The following FRMPD1 variants were observed in gnomAD, a reference collection of about 807,000 sequenced individuals.
FRMPD1 encodes FERM and PDZ domain containing 1.
FRMPD1 carries 76 observed loss-of-function variants against 117.8 expected under a neutral mutation model. The observed-to-expected ratio is 0.65, with a 90% CI of 0.54 to 0.78. The LOEUF (loss-of-function observed/expected upper bound fraction) is 0.78. Ranked by LOEUF, FRMPD1 falls within the 30% of genes least tolerant of loss-of-function variation. The pLI, the probability that FRMPD1 is intolerant of heterozygous loss-of-function variation, is 0.00. For synonymous variants in FRMPD1, 783 were observed against 770.4 expected, an observed-to-expected ratio of 1.02 and a Z score of -0.27; for missense variants, 1,786 against 1,964.5, an observed-to-expected ratio of 0.91 and a Z score of 1.72.
chr9:37,668,995 A>C (rs1408249109), intron 1 of FRMPD1, among the ~76,000 whole-genome samples: 1 of 152,230 alleles, frequency 6.6e-6, no homozygotes, highest in Non-Finnish European at 1.5e-5. Context: ...TTTCACGTTG[A>C]ATAAATCCCT....
At chr9:37,654,660 T>G (rs28497765) in intron 1 of FRMPD1, among the ~76,000 whole-genome samples, 2,974 of 152,016 alleles carry the variant, frequency 0.02, 107 homozygotes, top group African/African-American at 0.068. Flanking sequence ...CAATTGAGGG[T>G]GAGAGAAGGA....
chr9:37,658,687 C>T (rs906400502), intron 1 of FRMPD1, among the ~76,000 whole-genome samples: 15 of 152,166 alleles, frequency 9.9e-5, no homozygotes, highest in Non-Finnish European at 1.3e-4. Flanking sequence ...CTCCTCCTGT[C>T]TGTTTCAAAT....
chr9:37,732,981 T>C (rs1290750196), intron 10 of FRMPD1, among the ~76,000 whole-genome samples: 1 of 152,146 alleles, frequency 6.6e-6, no homozygotes, highest in Non-Finnish European at 1.5e-5. Context: ...AGCATATCCT[T>C]GGCCCTACCC....
upstream of FRMPD1, chr9:37,650,920 C>G (rs1380612470): frequency 6.7e-6 from 1 of 149,394 alleles, no homozygotes; most frequent in Non-Finnish European, 1.5e-5. Context: ...CGGCCCGGCC[C>G]GGCCAACCCC....
At chr9:37,639,957 C>T in the FRMPD1 span, among the ~76,000 whole-genome samples, 2 of 152,186 alleles carry the variant, frequency 1.3e-5, no homozygotes, top group Admixed American at 1.3e-4. Flanking sequence ...ATCTGGGCCA[C>T]ACCTTGCAAA....
intron 15 of FRMPD1, among the ~76,000 whole-genome samples, chr9:37,741,148 G>A (rs924252781): frequency 6.6e-6 from 1 of 152,112 alleles, no homozygotes; most frequent in African/African-American, 2.4e-5. Context: ...AGAAGAGGGG[G>A]CAAATGGGCT....
intron 1 of FRMPD1, among the ~76,000 whole-genome samples, chr9:37,651,717 C>G (rs1303623789): frequency 6.7e-6 from 1 of 150,024 alleles, no homozygotes; most frequent in Non-Finnish European, 1.5e-5. Flanking sequence ...AGTCAGGACT[C>G]TGGCTTCTGG....
At position 37,740,843 on chromosome 9, in the gene FRMPD1, A is replaced by G; in HGVS notation, c.2315A>G (p.Tyr772Cys). 1 of 1,614,116 alleles carries G rather than the reference A, an allele frequency of 6.2e-7. No homozygotes were observed. The highest frequency in any genetic ancestry group is 1.3e-5 in the African/African-American group (1 of 75,052). The change falls in exon 15 of 16, where the codon TAT becomes TGT. Residue 772 changes from tyrosine to cysteine, a missense_variant. Physicochemically the swap from Tyr to Cys is radical, Grantham distance 194. Transcript: ENST00000377765. This position sits in a 1 kb window ranked among gnomAD's most constrained non-coding sequence, Gnocchi z 4.2. Reference protein sequence around the residue: ...FEDGSSDEEYYDAADKLTPPG... With the variant: ...FEDGSSDEEYCDAADKLTPPG... ...GATGGCAGCTCAGATGAGGAATACT[A>G]TGACGCGGCTGATAAGCTCACTCCC... is the stretch of plus-strand genomic sequence containing the variant.
chr9:37,664,591 T>TTA (rs575567118), intron 1 of FRMPD1, among the ~76,000 whole-genome samples: 3 of 152,244 alleles, frequency 2.0e-5, no homozygotes, highest in African/African-American at 7.2e-5. Context: ...TGTTCCTGTG[T>TTA]TAGTTTGCTG....
intron 12 of FRMPD1, 126 bp downstream of exon 12, chr9:37,733,951 C>T: frequency 1.5e-6 from 1 of 670,114 alleles, no homozygotes; most frequent in Non-Finnish European, 2.7e-6. Flanking sequence ...GTCTGGTAAA[C>T]TAAATAGTAC....
intron 1 of FRMPD1, chr9:37,667,905 T>C (rs1220277699): frequency 6.6e-6 from 1 of 152,222 alleles, no homozygotes; most frequent in African/African-American, 2.4e-5. Flanking sequence ...TGGCGTCATT[T>C]CCCCATCTGT....
At chr9:37,651,402 C>A (rs1457255849) in intron 1 of FRMPD1, among the ~76,000 whole-genome samples, 1 of 152,226 alleles carries the variant, frequency 6.6e-6, no homozygotes, top group African/African-American at 2.4e-5. Flanking sequence ...CAGGTGCGGC[C>A]GCGGCCAGCG....
At chr9:37,672,554 T>A (rs761924069) in intron 1 of FRMPD1, among the ~76,000 whole-genome samples, 2 of 152,204 alleles carry the variant, frequency 1.3e-5, no homozygotes, top group African/African-American at 2.4e-5. Flanking sequence ...GTACTGTTGT[T>A]ACTGGCATCT....
At chr9:37,722,926 T>G (rs1823461592) in intron 6 of FRMPD1, among the ~76,000 whole-genome samples, 1 of 152,102 alleles carries the variant, frequency 6.6e-6, no homozygotes, top group Admixed American at 6.6e-5. Context: ...GCTGGGAGAT[T>G]CTCCAAAACC....
intron 1 of FRMPD1, among the ~76,000 whole-genome samples, chr9:37,664,516 C>A (rs968433824): frequency 6.6e-6 from 1 of 151,970 alleles, no homozygotes; most frequent in Non-Finnish European, 1.5e-5. Flanking sequence ...TTCCCCTCCC[C>A]GTGTCCATGT....
At chr9:37,738,422 C>T (rs536018951) in intron 14 of FRMPD1, among the ~76,000 whole-genome samples, 1 of 152,282 alleles carries the variant, frequency 6.6e-6, no homozygotes, top group East Asian at 1.9e-4. Context: ...TCACTGCAGC[C>T]TCCACCTCCT....
At chr9:37,669,823 A>G (rs917065819) in intron 1 of FRMPD1, 1 of 152,008 alleles carries the variant, frequency 6.6e-6, no homozygotes, top group East Asian at 1.9e-4. Context: ...GAGAAACCCC[A>G]ACTCTACTAA....
intron 14 of FRMPD1, among the ~76,000 whole-genome samples, chr9:37,737,847 G>C (rs77703029): frequency 2.2e-5 from 3 of 134,938 alleles, no homozygotes; most frequent in Non-Finnish European, 4.8e-5. Context: ...AAAAAAAAAA[G>C]ATTATCATTA....
chr9:37,649,069 C>T (rs958797029), upstream of FRMPD1, among the ~76,000 whole-genome samples: 3 of 151,956 alleles, frequency 2.0e-5, no homozygotes, highest in African/African-American at 4.8e-5. Context: ...CTGACACTGA[C>T]GCAGGTAGCT....
Sources: allele counts gnomAD v4.1 joint callset (sites outside exome capture counted in the v4.1 genomes callset), GRCh38; gene constraint gnomAD v4.1.1; non-coding constraint Gnocchi (gnomAD v3.1); transcripts MANE v1.5; gene names NCBI Gene and HGNC (gene_info 2026-07-23, HGNC 2026-07-21).